The following SAXO2 variants were observed in gnomAD, a reference collection of about 807,000 sequenced individuals.
SAXO2 encodes family with sequence similarity 154, member B.
SAXO2 carries 17 observed loss-of-function variants against 18.7 expected under a neutral mutation model. The observed-to-expected ratio is 0.91, with a 90% CI of 0.62 to 1.36. The LOEUF is 1.36. SAXO2 is among the 40% of genes most tolerant of loss of function. SAXO2 has a pLI of 0.00. For synonymous variants in SAXO2, 163 were observed against 181.2 expected, an observed-to-expected ratio of 0.90 and a Z score of 0.81; for missense variants, 486 against 562.6, an observed-to-expected ratio of 0.86 and a Z score of 1.38.
At chr15:82,275,840 C>T (rs749217881) in intron 3 of SAXO2, among the ~76,000 whole-genome samples, 6 of 152,026 alleles carry the variant, frequency 3.9e-5, no homozygotes, top group South Asian at 2.1e-4. Flanking sequence ...GACAAAAAAC[C>T]GGAAGCATTC....
rs140891092 is a variant in SAXO2, at chr15:82,282,521, G to A, written c.836G>A (p.Arg279His). 1.2e-4 allele frequency: 191 copies of A among 1,614,052 alleles called. No individual in the cohort carries two copies. Among genetic ancestry groups the A allele is most frequent in the Middle Eastern group, 3.3e-4 (2 of 6,084 alleles). ...CTGTTTGAAGGAAGCACTGAATTCC[G>A]TGAAAGTTTTCAACCATGGGAAATC... Reference protein sequence around the residue: ...NALFEGSTEFRESFQPWEIPP... With the variant: ...NALFEGSTEFHESFQPWEIPP... The change falls in exon 4 of 4, where the codon CGT becomes CAT. Residue 279 changes from arginine to histidine, a missense_variant. Physicochemically the swap from Arg to His is conservative, Grantham distance 29. Transcript: ENST00000682753.
chr15:82,282,286 T>C lies in SAXO2; in HGVS notation c.601T>C (p.Ser201Pro), dbSNP rs776400546. The change falls in exon 4 of 4, where the codon TCT (serine) becomes CCT (proline). Residue 201 changes from serine to proline, a missense_variant. Ser to Pro is a moderately conservative substitution (Grantham distance 74). Transcript: ENST00000682753. ...TAAACCCTCCTCTGTGGTCAAACGT[T>C]CTACAGCCCCTTTTAATGGTATTAC... ...SFKPSSVVKRSTAPFNGITSH... is the reference protein window; with the variant it reads ...SFKPSSVVKRPTAPFNGITSH... 2 of 1,614,074 alleles carry C rather than the reference T, an allele frequency of 1.2e-6. No individual in the cohort carries two copies. Among genetic ancestry groups the C allele is most frequent in the African/African-American group, 1.3e-5 (1 of 74,928 alleles).
At chr15:82,263,471 A>G in intron 1 of SAXO2, 1 of 702,138 alleles carries the variant, frequency 1.4e-6, no homozygotes, top group Non-Finnish European at 2.6e-6. Context: ...TCTAGAATCC[A>G]ACTGTGAGTC....
chr15:82,264,922 C>T lies in SAXO2; in HGVS notation c.54-647C>T, dbSNP rs2075200332. 5.2e-6 allele frequency: 3 copies of T among 581,780 alleles called. No individual in the cohort carries two copies. In the East Asian group the frequency reaches 8.3e-5, roughly 16 times the overall value. The allele number at this position is 581,780 out of a possible 1,614,324, so 36.0% of individuals were successfully genotyped here. On this transcript the variant is annotated intron_variant, in intron 1 of 3. Transcript: ENST00000682753. The stretch of plus-strand genomic sequence containing the variant: ...GTAGCTCTCTTCTGAATCAAAGTAT[C>T]ATGTGAATACACATAGTAGGTGAAA...
chr15:82,283,030 C>T lies in SAXO2; in HGVS notation c.1345C>T (p.Arg449Cys), dbSNP rs377069385. 89 of 1,613,016 alleles carry T rather than the reference C, an allele frequency of 5.5e-5. No individual in the cohort carries two copies. Among genetic ancestry groups the T allele is most frequent in the African/African-American group, 8.0e-5 (6 of 74,974 alleles). ...AAATTCCCAAGGTCATAAATTCTTC[C>T]GCAAGATTATTCCTGCAGTGAAGGC... ...NTNSQGHKFF[R>C]KIIPAVKAF Residue 449 changes from arginine to cysteine, a missense_variant, in exon 4 of 4, where the codon CGC becomes TGC. Arg to Cys is a radical substitution (Grantham distance 180). Coordinates refer to ENST00000682753, the MANE Select transcript of SAXO2 (RefSeq NM_001348699.2).
chr15:82,265,148 T>G (rs529741766), intron 1 of SAXO2, among the ~76,000 whole-genome samples: 2 of 152,248 alleles, frequency 1.3e-5, no homozygotes, highest in African/African-American at 4.8e-5. Flanking sequence ...TTTTTTTGTT[T>G]TTAGTTTTTT....
chr15:82,262,840 G>A lies in SAXO2; in HGVS notation c.-40G>A, dbSNP rs537167596. On this transcript the variant is annotated 5_prime_UTR_variant, in exon 1 of 4. It adds an upstream start codon to the 5' untranslated region. Transcript: ENST00000682753. ...CTTGACTACGGCGGGCGCTGTGGGA[G>A]TGGAGAAGCTGCAAGTGCTGAGGCG... The A allele has an allele frequency of 3.2e-6, 5 of 1,556,550 alleles. No homozygotes were observed. The South Asian group carries it at 5.9e-5, about 18-fold the overall frequency.
At chr15:82,266,906 AT>A (rs1386753465) in intron 2 of SAXO2, among the ~76,000 whole-genome samples, 1 of 152,220 alleles carries the variant, frequency 6.6e-6, no homozygotes, top group African/African-American at 2.4e-5. Context: ...ATGAACAAAA[AT>A]CCTCTTAAGT....
At chr15:82,282,032 G>A (rs2075365539) in intron 3 of SAXO2, 87 bp from the exon 4 acceptor site, 12 of 1,004,756 alleles carry the variant, frequency 1.2e-5, no homozygotes, top group Non-Finnish European at 1.5e-5. Context: ...AAGATGTTTG[G>A]CAATGAGAGA....
At chr15:82,276,069 A>G (rs1392320424) in intron 3 of SAXO2, among the ~76,000 whole-genome samples, 1 of 152,224 alleles carries the variant, frequency 6.6e-6, no homozygotes, top group Admixed American at 6.5e-5. Context: ...TACAAAATCA[A>G]TGCACAAAAA....
In SAXO2 at chr15:82,283,090, A is replaced by G. The variant is rs754449162; in HGVS notation, c.*28A>G. On this transcript the variant is annotated 3_prime_UTR_variant, in exon 4 of 4. Coordinates refer to ENST00000682753, the MANE Select transcript of SAXO2 (RefSeq NM_001348699.2). ...ACCAAAATGTGCTTAAAAGGAAGGT[A>G]CTAGCAAGTTGTTGTTTTTCCAAGA... 6.5e-6 allele frequency: 9 copies of G among 1,379,960 alleles called. No homozygotes were observed. Among genetic ancestry groups the G allele is most frequent in the Non-Finnish European group, 7.6e-6 (8 of 1,054,060 alleles). The allele number at this position is 1,379,960 out of a possible 1,614,324, so 85.5% of individuals were successfully genotyped here.
chr15:82,275,281 C>CAAAAAAAAAAAAAAGAAAAAAAAAA (rs2075304701), intron 3 of SAXO2, among the ~76,000 whole-genome samples: 1 of 45,906 alleles, frequency 2.2e-5, no homozygotes, highest in African/African-American at 9.1e-5. Context: ...ACCTATCAAC[C>CAAAAAAAAAAAAAAGAAAAAAAAAA]AAAAAAAAAA....
chr15:82,264,597 G>T lies in SAXO2; in HGVS notation c.54-972G>T. On this transcript the variant is annotated intron_variant, in intron 1 of 3. Coordinates refer to ENST00000682753, the MANE Select transcript of SAXO2 (RefSeq NM_001348699.2). ...TCTAGGCAAAAAGGAATTTATTAAG[G>T]AGTATATATATAGTTCACTTGGAAG... The T allele has an allele frequency of 4.3e-6, 3 of 697,392 alleles. No individual in the cohort carries two copies. The South Asian group carries it at 4.5e-5, about 10-fold the overall frequency. 43.2% of individuals were successfully genotyped at this position (697,392 alleles called of 1,614,324 possible).
intron 1 of SAXO2, chr15:82,263,494 C>T (rs1259962751): frequency 8.6e-6 from 6 of 700,008 alleles, no homozygotes; most frequent in Admixed American, 2.0e-5. Context: ...GCCTAACAAC[C>T]TTCCATCACC....
chr15:82,279,170 A>G (rs1468219809), intron 3 of SAXO2, among the ~76,000 whole-genome samples: 2 of 152,200 alleles, frequency 1.3e-5, no homozygotes, highest in Non-Finnish European at 2.9e-5. Context: ...GACACCAATT[A>G]CAAATATCAA....
chr15:82,264,522 T>C, intron 1 of SAXO2: 1 of 613,470 alleles, frequency 1.6e-6, no homozygotes, highest in Non-Finnish European at 2.9e-6. Context: ...GCTTATATGA[T>C]ATATTGGTCA....
chr15:82,275,281 CAAAAAA>C (rs756023248), intron 3 of SAXO2, among the ~76,000 whole-genome samples: 1 of 45,904 alleles, frequency 2.2e-5, no homozygotes, highest in Non-Finnish European at 3.9e-5. Flanking sequence ...ACCTATCAAC[CAAAAAA>C]AAAAAAAAAA....
At chr15:82,278,242 C>T (rs1277312060) in intron 3 of SAXO2, among the ~76,000 whole-genome samples, 1 of 152,164 alleles carries the variant, frequency 6.6e-6, no homozygotes, top group African/African-American at 2.4e-5. Flanking sequence ...CAATTAGAGA[C>T]CTACTACATC....
intron 3 of SAXO2, among the ~76,000 whole-genome samples, chr15:82,278,097 C>G (rs2075330956): frequency 1.3e-5 from 2 of 152,080 alleles, no homozygotes; most frequent in Admixed American, 1.3e-4. Context: ...AGGAAAGGCA[C>G]CACTCTGACA....
Sources: allele counts gnomAD v4.1 joint callset (sites outside exome capture counted in the v4.1 genomes callset), GRCh38; gene constraint gnomAD v4.1.1; transcripts MANE v1.5; gene names NCBI Gene and HGNC (gene_info 2026-07-23, HGNC 2026-07-21).